AUTS2: variants seen among roughly 807,000 people sequenced by gnomAD.
AUTS2 encodes the protein autism susceptibility gene 2 protein.
A neutral mutation model predicts 112.4 loss-of-function variants in AUTS2; 17 were observed. The observed-to-expected ratio is 0.15, with a 90% CI of 0.10 to 0.23. The LOEUF (loss-of-function observed/expected upper bound fraction) is 0.23. AUTS2 is among the 10% of genes least tolerant of loss of function. AUTS2 has a pLI of 1.00. For synonymous variants in AUTS2, 751 were observed against 702.7 expected (o/e 1.07, Z -1.09); for missense variants, 1,510 against 1,701.6 (o/e 0.89, Z 1.98).
chr7:70,125,848 G>GT (rs1404362001), intron 3 of AUTS2, among the ~76,000 whole-genome samples: 1 of 152,108 alleles, frequency 6.6e-6, no homozygotes, highest in Non-Finnish European at 1.5e-5. Flanking sequence ...CTTTTGTCCA[G>GT]TTTTTTAGTT....
Position 69,628,758 on chromosome 7 carries a change from T to C in AUTS2, c.309+28796T>C, listed in dbSNP as rs720057. Among the ~76,000 whole-genome samples the C allele has an allele frequency of 6.4e-3, 967 of 152,248 alleles. 7 individuals are homozygous for C. Among genetic ancestry groups the C allele is most frequent in the African/African-American group, 0.022 (899 of 41,548 alleles). On this transcript the variant is annotated intron_variant, in intron 1 of 18. Coordinates refer to ENST00000342771, the MANE Select transcript of AUTS2 (RefSeq NM_015570.4). Reference sequence around the variant, plus strand: ...GAGAACAGCAGCAAATGGAGAAATCTGTCCCCCAGGATCCAGTCACCTCCT... The same window carrying C: ...GAGAACAGCAGCAAATGGAGAAATCCGTCCCCCAGGATCCAGTCACCTCCT...
intron 4 of AUTS2, among the ~76,000 whole-genome samples, chr7:70,186,346 G>A (rs1156936699): frequency 6.6e-6 from 1 of 152,078 alleles, no homozygotes; most frequent in African/African-American, 2.4e-5. Context: ...GAAACTTTGG[G>A]AGGATTTGAT....
At chr7:70,677,451 A>G (rs569759713) in intron 5 of AUTS2, among the ~76,000 whole-genome samples, 1 of 152,232 alleles carries the variant, frequency 6.6e-6, no homozygotes, top group Admixed American at 6.5e-5. Flanking sequence ...CCAGTTCCCC[A>G]GCCTTTACAT....
At chr7:70,059,337 A>G (rs2129560486) in intron 2 of AUTS2, among the ~76,000 whole-genome samples, 1 of 152,314 alleles carries the variant, frequency 6.6e-6, no homozygotes, top group Admixed American at 6.5e-5. Flanking sequence ...ATGGCTTAAT[A>G]GCTCATTTCT....
At chr7:69,731,897 T>C (rs1466678459) in intron 1 of AUTS2, among the ~76,000 whole-genome samples, 1 of 152,212 alleles carries the variant, frequency 6.6e-6, no homozygotes, top group Non-Finnish European at 1.5e-5. Flanking sequence ...GCCAAAGCTG[T>C]CCTTTCCTCA....
chr7:70,181,796 C>CTT lies in AUTS2; in HGVS notation c.660+47243_660+47244dup, dbSNP rs35077931. Among the ~76,000 whole-genome samples the CTT allele has an allele frequency of 4.1e-3, 455 of 110,144 alleles. 9 individuals are homozygous for CTT. Among genetic ancestry groups the CTT allele is most frequent in the Middle Eastern group, 0.023 (3 of 128 alleles). The allele number at this position is 110,144 out of a possible 152,430, so 72.3% of individuals were successfully genotyped here. ...GAGCCACCAAGCCCAGCTGAGCTAA[C>CTT]TTTTTTTTTTTTTTTTTTTGAGATG... is the stretch of plus-strand genomic sequence containing the variant. On this transcript the variant is annotated intron_variant, in intron 4 of 18. Transcript: ENST00000342771.
rs950361813 is a variant in AUTS2 at position 70,356,814 on chromosome 7, C to A, written c.661-78938C>A. Among the ~76,000 whole-genome samples the A allele has an allele frequency of 2.6e-5, 4 of 151,380 alleles. No homozygotes were observed. The East Asian group carries it at 5.8e-4, about 22-fold the overall frequency. On this transcript the variant is annotated intron_variant, in intron 4 of 18. Transcript: ENST00000342771. ...GTGGAGACTTTGTTTAAACAAAGGG[C>A]GTTTTTATGATGGATAGAAGTGGCC...
At chr7:69,972,023 C>T (rs545757440) in intron 2 of AUTS2, among the ~76,000 whole-genome samples, 12 of 152,320 alleles carry the variant, frequency 7.9e-5, no homozygotes, top group Admixed American at 3.9e-4. Flanking sequence ...TCCTGGCTGA[C>T]TCTACTATTG....
At chr7:69,936,199 G>T (rs1240299132) in intron 2 of AUTS2, among the ~76,000 whole-genome samples, 2 of 152,094 alleles carry the variant, frequency 1.3e-5, no homozygotes, top group Admixed American at 6.6e-5. Flanking sequence ...CATACATTTT[G>T]TAGAAAGCAA....
intron 4 of AUTS2, among the ~76,000 whole-genome samples, chr7:70,337,373 T>A (rs1791040199): frequency 6.6e-6 from 1 of 152,240 alleles, no homozygotes; most frequent in Non-Finnish European, 1.5e-5. Context: ...GAGCTGACTA[T>A]TGAACTTTCA....
chr7:70,204,915 A>G (rs571226211), intron 4 of AUTS2, among the ~76,000 whole-genome samples: 2 of 152,170 alleles, frequency 1.3e-5, no homozygotes, highest in Non-Finnish European at 2.9e-5. Flanking sequence ...AGCAAGACTA[A>G]TACTTTAAAA....
In AUTS2 at chr7:70,792,531, A is replaced by T. The variant is rs559084410; in HGVS notation, c.*1535A>T. ...AAGTTAACTACAGACCATTGTTTCT[A>T]ATAAGCAGAGAGATCTATTTTAGTA... On this transcript the variant is annotated 3_prime_UTR_variant, in exon 19 of 19. Transcript: ENST00000342771. 1 of 149,910 alleles carries T rather than the reference A, an allele frequency of 6.7e-6. No homozygotes were observed. 9.3% of individuals were successfully genotyped at this position (149,910 alleles called of 1,614,324 possible). A position where few individuals can be genotyped will look rare whatever the true frequency, so the allele number is the denominator to read the frequency against.
chr7:70,624,989 G>A (rs555944562), intron 5 of AUTS2, among the ~76,000 whole-genome samples: 2 of 152,120 alleles, frequency 1.3e-5, no homozygotes, highest in South Asian at 4.2e-4. Flanking sequence ...TCCTCGGGCT[G>A]TTCCACTCCA....
intron 2 of AUTS2, among the ~76,000 whole-genome samples, chr7:69,924,371 T>A (rs933399992): frequency 2.6e-5 from 4 of 152,142 alleles, no homozygotes; most frequent in Non-Finnish European, 4.4e-5. Context: ...CCTGTGTTCA[T>A]GAATAAAAAT....
chr7:70,353,363 ATTTTCTAAAT>A (rs1463933296), intron 4 of AUTS2, among the ~76,000 whole-genome samples: 1 of 152,018 alleles, frequency 6.6e-6, no homozygotes, highest in African/African-American at 2.4e-5. Context: ...TTTTTCTAAA[ATTTTCTAAAT>A]ACTATGGTTG....
intron 4 of AUTS2, among the ~76,000 whole-genome samples, chr7:70,379,728 G>A (rs1250850430): frequency 6.6e-6 from 1 of 152,162 alleles, no homozygotes; most frequent in Non-Finnish European, 1.5e-5. Context: ...AGGAAGTAAA[G>A]GGGATTCCTA....
At chr7:70,163,360 A>AGGGGGGGGGGGGGGG (rs1562753323) in intron 4 of AUTS2, among the ~76,000 whole-genome samples, 3 of 2,462 alleles carry the variant, frequency 1.2e-3, no homozygotes, top group East Asian at 4.5e-3. Context: ...GGGGGGGGGC[A>AGGGGGGGGGGGGGGG]GAGGGGGAGG....
intron 1 of AUTS2, among the ~76,000 whole-genome samples, chr7:69,683,226 C>T (rs1796887452): frequency 6.6e-6 from 1 of 152,160 alleles, no homozygotes; most frequent in Non-Finnish European, 1.5e-5. Context: ...TATGCAAACG[C>T]AGCTACCTGG....
intron 5 of AUTS2, among the ~76,000 whole-genome samples, chr7:70,673,726 C>T (rs527629494): frequency 1.4e-4 from 22 of 152,196 alleles, no homozygotes; most frequent in African/African-American, 5.3e-4. Context: ...ATTGTGAGCT[C>T]TCTGAGAGCA....
Sources: allele counts gnomAD v4.1 joint callset (sites outside exome capture counted in the v4.1 genomes callset), GRCh38; gene constraint gnomAD v4.1.1; transcripts MANE v1.5; gene names NCBI Gene and HGNC (gene_info 2026-07-23, HGNC 2026-07-21).